TMEM87A: variants seen among roughly 807,000 people sequenced by gnomAD.
TMEM87A encodes Golgi-pH regulating cation channel.
Under a neutral mutation model 90.0 loss-of-function variants are expected in TMEM87A, and 50 were observed. The ratio of observed to expected loss-of-function variants is 0.56; its 90% CI spans 0.44 to 0.70. The LOEUF is 0.70. Ranked by LOEUF, TMEM87A falls within the 30% of genes least tolerant of loss-of-function variation. The probability of loss-of-function intolerance (pLI) is 0.00; values close to 1 mark genes in which losing one functional copy is unlikely to be tolerated. For synonymous variants in TMEM87A, 226 were observed against 226.7 expected, an observed-to-expected ratio of 1.00 and a Z score of 0.03; for missense variants, 577 against 660.5, an observed-to-expected ratio of 0.87 and a Z score of 1.39.
intron 3 of TMEM87A, among the ~76,000 whole-genome samples, chr15:42,267,713 T>C (rs1343562502): frequency 6.6e-6 from 1 of 152,212 alleles, no homozygotes; most frequent in Non-Finnish European, 1.5e-5. Flanking sequence ...TAATTTCTAA[T>C]AGCATAACCC....
chr15:42,239,431 T>C (rs1480034086), intron 8 of TMEM87A, among the ~76,000 whole-genome samples: 1 of 152,176 alleles, frequency 6.6e-6, no homozygotes, highest in East Asian at 1.9e-4. Context: ...GAGATGATCT[T>C]TGAGGTATTT....
chr15:42,247,139 G>A lies in TMEM87A; in HGVS notation c.505-2972C>T, dbSNP rs182823028. 7.7e-4 allele frequency among the ~76,000 whole-genome samples: 117 copies of A among 152,194 alleles called. 1 individual carries two copies. The Middle Eastern group carries it at 0.017, about 22-fold the overall frequency. On this transcript the variant is annotated intron_variant, in intron 6 of 19. Transcript: ENST00000389834. Reference sequence around the variant, plus strand: ...TATCCTTTGTCCACTTTTTGATGGGGTTGATTTTTTCTTGTAAATTTGTTT... The same window carrying A: ...TATCCTTTGTCCACTTTTTGATGGGATTGATTTTTTCTTGTAAATTTGTTT...
chr15:42,271,662 A>C (rs2051528028), intron 2 of TMEM87A: 1 of 154,892 alleles, frequency 6.5e-6, no homozygotes, highest in Non-Finnish European at 1.4e-5. Context: ...AGTGCCATCC[A>C]GTTTTAAGTA....
chr15:42,214,298 G>A (rs1317428856), intron 19 of TMEM87A, among the ~76,000 whole-genome samples: 2 of 151,976 alleles, frequency 1.3e-5, no homozygotes, highest in African/African-American at 4.8e-5. Context: ...AATTAAAGAC[G>A]AAAACATTTA....
At chr15:42,259,060 A>G (rs2051236871) in intron 6 of TMEM87A, 10 of 701,512 alleles carry the variant, frequency 1.4e-5, no homozygotes, top group Non-Finnish European at 2.6e-5. Context: ...CAAGCTCCTT[A>G]AAACCAAAGT....
chr15:42,258,843 G>A (rs991795479), intron 6 of TMEM87A: 5 of 1,491,524 alleles, frequency 3.4e-6, no homozygotes, highest in Non-Finnish European at 4.4e-6. Flanking sequence ...CTTTCAGAAT[G>A]GCAGAATAAG....
chr15:42,257,987 CTT>C, intron 6 of TMEM87A: 1 of 976,808 alleles, frequency 1.0e-6, no homozygotes, highest in Non-Finnish European at 1.2e-6. Flanking sequence ...GAATTAAAAA[CTT>C]ATCCCAATAT....
chr15:42,239,888 A>T (rs2050839145), intron 7 of TMEM87A, among the ~76,000 whole-genome samples, 157 bp from the exon 8 acceptor site: 1 of 152,222 alleles, frequency 6.6e-6, no homozygotes, highest in African/African-American at 2.4e-5. Context: ...TTTGTACAGC[A>T]CTTGGAAAGT....
intron 15 of TMEM87A, among the ~76,000 whole-genome samples, chr15:42,224,845 C>T (rs1348688791): frequency 2.0e-5 from 3 of 151,714 alleles, no homozygotes; most frequent in East Asian, 1.9e-4. Context: ...TTATAATATG[C>T]AGTTAACACT....
rs146651828 is a variant in TMEM87A at position 42,235,799 on chromosome 15, A to C, written c.968+521T>G. 6.6e-5 allele frequency among the ~76,000 whole-genome samples: 10 copies of C among 152,286 alleles called. No individual in the cohort carries two copies. The East Asian group carries it at 1.9e-3, about 29-fold the overall frequency. ...ACTGCACTTTCCACTGACATATTAA[A>C]ATATTTTACCCACTTAAATTTTGTC... is the stretch of plus-strand genomic sequence containing the variant. On this transcript the variant is annotated intron_variant, in intron 10 of 19. Coordinates refer to ENST00000389834, the MANE Select transcript of TMEM87A (RefSeq NM_015497.5).
intron 6 of TMEM87A, among the ~76,000 whole-genome samples, chr15:42,247,088 G>T (rs765392377): frequency 6.6e-6 from 1 of 152,248 alleles, no homozygotes; most frequent in South Asian, 2.1e-4. Context: ...CTGCATAAAC[G>T]TCTTCTTCTG....
In TMEM87A at chr15:42,264,683, G is replaced by GTATATA. The variant is rs1555409716; in HGVS notation, c.292-486_292-481dup. 1.2e-3 allele frequency among the ~76,000 whole-genome samples: 139 copies of GTATATA among 116,380 alleles called. 3 individuals are homozygous for GTATATA. The highest frequency in any genetic ancestry group is 4.9e-3 in the Middle Eastern group (1 of 204). The allele number at this position is 116,380 out of a possible 152,430, so 76.3% of individuals were successfully genotyped here. The stretch of plus-strand genomic sequence containing the variant: ...AACTCAGAACTATATATATGTGTGT[G>GTATATA]TATATATATATATATATTTTTTTTT... On this transcript the variant is annotated intron_variant, in intron 3 of 19. Transcript: ENST00000389834.
At chr15:42,238,386 A>C (rs532811312) in intron 8 of TMEM87A, among the ~76,000 whole-genome samples, 1 of 152,154 alleles carries the variant, frequency 6.6e-6, no homozygotes, top group South Asian at 2.1e-4. Context: ...TGGCCAAAAC[A>C]TGGTGAAACC....
chr15:42,232,165 T>TA (rs2050696257), intron 11 of TMEM87A, among the ~76,000 whole-genome samples: 1 of 152,162 alleles, frequency 6.6e-6, no homozygotes, highest in Admixed American at 6.5e-5. Flanking sequence ...AATAAGAAAA[T>TA]TAATTGAAAT....
chr15:42,253,411 T>G (rs186161575), intron 6 of TMEM87A, among the ~76,000 whole-genome samples: 47 of 152,302 alleles, frequency 3.1e-4, no homozygotes, highest in African/African-American at 1.1e-3. Context: ...TGTTATCCCC[T>G]TCCCTATGCA....
chr15:42,253,229 C>T (rs2051117275), intron 6 of TMEM87A, among the ~76,000 whole-genome samples: 1 of 152,194 alleles, frequency 6.6e-6, no homozygotes, highest in African/African-American at 2.4e-5. Context: ...AGAATGAAAG[C>T]TTAGGGTCAT....
chr15:42,229,655 G>C (rs2050653965), intron 12 of TMEM87A, among the ~76,000 whole-genome samples: 1 of 152,098 alleles, frequency 6.6e-6, no homozygotes, highest in African/African-American at 2.4e-5. Context: ...GCCATCAGTT[G>C]CCTGCACTAT....
chr15:42,221,671 T>C (rs941353828), intron 15 of TMEM87A, among the ~76,000 whole-genome samples: 2 of 152,016 alleles, frequency 1.3e-5, no homozygotes, highest in Non-Finnish European at 1.5e-5. Flanking sequence ...GAAGTTTGAG[T>C]CTAGCCTAGG....
intron 6 of TMEM87A, chr15:42,258,987 G>T: frequency 1.2e-6 from 1 of 854,556 alleles, no homozygotes; most frequent in Non-Finnish European, 2.0e-6. Flanking sequence ...AAAGGCATCT[G>T]AATCTAGGAA....
Sources: allele counts gnomAD v4.1 joint callset (sites outside exome capture counted in the v4.1 genomes callset), GRCh38; gene constraint gnomAD v4.1.1; transcripts MANE v1.5; gene names NCBI Gene and HGNC (gene_info 2026-07-23, HGNC 2026-07-21).